The following DUSP16 variants were observed in gnomAD, a reference collection of about 807,000 sequenced individuals.
DUSP16 encodes the protein dual specificity phosphatase 16.
In DUSP16, 21 loss-of-function variants were observed where a neutral mutation model predicts 58.3. The observed-to-expected ratio is 0.36, with a 90% CI of 0.26 to 0.52. The LOEUF is 0.52. DUSP16 is among the 20% of genes least tolerant of loss of function. The pLI is 0.94. For missense variants in DUSP16, 726 were observed against 819.0 expected (o/e 0.89, Z 1.39); for synonymous variants, 320 against 323.8 (o/e 0.99, Z 0.12).
intron 1 of DUSP16, among the ~76,000 whole-genome samples, chr12:12,529,756 G>A (rs1169079018): frequency 6.6e-6 from 1 of 152,096 alleles, no homozygotes; most frequent in Non-Finnish European, 1.5e-5. Context: ...AACTTTTTCA[G>A]CTCCCATATA....
At chr12:12,523,097 T>C (rs1944258521) in intron 1 of DUSP16, among the ~76,000 whole-genome samples, 1 of 152,218 alleles carries the variant, frequency 6.6e-6, no homozygotes, top group East Asian at 1.9e-4. Flanking sequence ...AGCTAAAGCA[T>C]GGAGACAGAA....
At chr12:12,531,164 C>T (rs893925652) in intron 1 of DUSP16, among the ~76,000 whole-genome samples, 4 of 152,060 alleles carry the variant, frequency 2.6e-5, no homozygotes, top group African/African-American at 9.7e-5. Flanking sequence ...ATTTGGAACA[C>T]AGTCTAAGGG....
chr12:12,515,091 T>C (rs1944128553), intron 3 of DUSP16, among the ~76,000 whole-genome samples: 1 of 152,160 alleles, frequency 6.6e-6, no homozygotes, highest in Non-Finnish European at 1.5e-5. Flanking sequence ...AGAAAAAATA[T>C]ATAGTTTATT....
intron 1 of DUSP16, among the ~76,000 whole-genome samples, chr12:12,552,799 G>C (rs1489263076): frequency 1.3e-5 from 2 of 150,090 alleles, no homozygotes; most frequent in African/African-American, 4.9e-5. Flanking sequence ...TCTTTTTTTT[G>C]AGACACAGTC....
At chr12:12,559,599 A>G (rs1471621692) in intron 1 of DUSP16, among the ~76,000 whole-genome samples, 1 of 152,250 alleles carries the variant, frequency 6.6e-6, no homozygotes, top group Non-Finnish European at 1.5e-5. Context: ...GTTCTAGGAT[A>G]AATTATTACA....
chr12:12,551,233 G>C (rs949310590), intron 1 of DUSP16, among the ~76,000 whole-genome samples: 1 of 151,906 alleles, frequency 6.6e-6, no homozygotes, highest in Non-Finnish European at 1.5e-5. Context: ...TGCTGGCCGT[G>C]GCTCACACCT....
At chr12:12,504,473 G>A (rs1943955978) in intron 3 of DUSP16, among the ~76,000 whole-genome samples, 1 of 151,892 alleles carries the variant, frequency 6.6e-6, no homozygotes, top group Non-Finnish European at 1.5e-5. Flanking sequence ...TGTTGCCCAG[G>A]CTGGTCTCAA....
intron 5 of DUSP16, among the ~76,000 whole-genome samples, chr12:12,481,824 C>T (rs1943572200): frequency 6.6e-6 from 1 of 152,200 alleles, no homozygotes; most frequent in Non-Finnish European, 1.5e-5. Context: ...GCATCCCCTT[C>T]CTTCTCAGCT....
At chr12:12,538,602 G>T (rs974604284) in intron 1 of DUSP16, among the ~76,000 whole-genome samples, 7 of 152,168 alleles carry the variant, frequency 4.6e-5, no homozygotes, top group Non-Finnish European at 7.3e-5. Context: ...TATTTCAAAA[G>T]ATGAGAAATA....
At chr12:12,544,479 G>A (rs565160888) in intron 1 of DUSP16, among the ~76,000 whole-genome samples, 62 of 152,222 alleles carry the variant, frequency 4.1e-4, no homozygotes, top group Non-Finnish European at 7.8e-4. Flanking sequence ...ATACACCTAG[G>A]AGTGGGTTTG....
intron 1 of DUSP16, among the ~76,000 whole-genome samples, chr12:12,527,342 G>A (rs1944321244): frequency 6.7e-6 from 1 of 149,674 alleles, no homozygotes; most frequent in African/African-American, 2.4e-5. Flanking sequence ...GAACTCCTTA[G>A]ACTTTGACTG....
In DUSP16 at chr12:12,477,372, C is replaced by A. The variant is rs774266099; in HGVS notation, c.1459G>T (p.Val487Phe). ...GCGGTGCCACTGCTGCTGGTTCTGACCGAATGCAATCGCTTGCTCTGGCTG... is the reference window on the plus strand; with the variant it reads ...GCGGTGCCACTGCTGCTGGTTCTGAACGAATGCAATCGCTTGCTCTGGCTG... ...SDSQSKRLHS[V>F]RTSSSGTAQR... Residue 487 changes from valine (V) to phenylalanine (F), a missense_variant, in exon 7 of 7, where the codon GTC becomes TTC. Transcript: ENST00000298573. This position sits in a 1 kb window ranked among gnomAD's most constrained non-coding sequence, Gnocchi z 4.1. 3.1e-6 allele frequency: 5 copies of A among 1,613,774 alleles called. No individual in the cohort carries two copies. The South Asian group carries it at 5.5e-5, about 18-fold the overall frequency.
intron 3 of DUSP16, among the ~76,000 whole-genome samples, chr12:12,511,144 T>C (rs1022245291): frequency 6.6e-6 from 1 of 152,142 alleles, no homozygotes; most frequent in African/African-American, 2.4e-5. Context: ...GTGTGAGCAA[T>C]GGATTGGAAG....
At chr12:12,501,209 G>A (rs373324720) in intron 3 of DUSP16, among the ~76,000 whole-genome samples, 6 of 152,194 alleles carry the variant, frequency 3.9e-5, no homozygotes, top group African/African-American at 1.2e-4. Flanking sequence ...TCCCACCTAC[G>A]AATATTCTAT....
chr12:12,512,173 C>A (rs1944088469), intron 3 of DUSP16, among the ~76,000 whole-genome samples: 1 of 152,162 alleles, frequency 6.6e-6, no homozygotes. Context: ...CAGAAATACA[C>A]AGCAGCCAGT....
intron 1 of DUSP16, among the ~76,000 whole-genome samples, chr12:12,547,296 G>A (rs1944655159): frequency 6.6e-6 from 1 of 151,836 alleles, no homozygotes; most frequent in Non-Finnish European, 1.5e-5. Flanking sequence ...GGGCGTGGTG[G>A]TGCCCACCTG....
Position 12,517,800 on chromosome 12 carries a change from T to C in DUSP16, c.367+2062A>G, listed in dbSNP as rs143445987. Among the ~76,000 whole-genome samples the C allele has an allele frequency of 3.5e-3, 532 of 152,356 alleles. 3 individuals carry two copies. Among genetic ancestry groups the C allele is most frequent in the African/African-American group, 0.012 (498 of 41,582 alleles). On this transcript the variant is annotated intron_variant, in intron 3 of 6. Transcript: ENST00000298573. Reference sequence around the variant, plus strand: ...GATATGGTGCTACTAATACATTTAATGTGGCTCCTGGTGCTGCCTCCATGG... The same window carrying C: ...GATATGGTGCTACTAATACATTTAACGTGGCTCCTGGTGCTGCCTCCATGG...
intron 5 of DUSP16, among the ~76,000 whole-genome samples, chr12:12,482,634 A>G (rs1166206558): frequency 6.6e-6 from 1 of 152,228 alleles, no homozygotes; most frequent in Non-Finnish European, 1.5e-5. Flanking sequence ...CCTGCCTTGG[A>G]GAAGAAACCA....
chr12:12,498,322 G>C (rs2417191), intron 4 of DUSP16, among the ~76,000 whole-genome samples: 44,277 of 151,856 alleles, frequency 0.29, 7,221 homozygotes, highest in Non-Finnish European at 0.35. Flanking sequence ...AATGATCTCT[G>C]AAATCTCCTT....
Sources: allele counts gnomAD v4.1 joint callset (sites outside exome capture counted in the v4.1 genomes callset), GRCh38; gene constraint gnomAD v4.1.1; non-coding constraint Gnocchi (gnomAD v3.1); transcripts MANE v1.5; gene names NCBI Gene and HGNC (gene_info 2026-07-23, HGNC 2026-07-21).